DNAH11: variants seen among roughly 807,000 people sequenced by gnomAD.
DNAH11 encodes the protein axonemal beta dynein heavy chain 11.
In DNAH11, 442 loss-of-function variants were observed where a neutral mutation model predicts 526.0. The ratio of observed to expected loss-of-function variants is 0.84; its 90% confidence interval spans 0.78 to 0.91. DNAH11 has a LOEUF of 0.91. Among genes scored for constraint, DNAH11 ranks in the 40% least tolerant of loss-of-function variants. DNAH11 has a pLI of 0.00. For synonymous variants in DNAH11, 2,461 were observed against 1,935.9 expected, an observed-to-expected ratio of 1.27 and a Z score of -7.12; for missense variants, 6,989 against 5,448.7, an observed-to-expected ratio of 1.28 and a Z score of -8.90.
At chr7:21,727,322 G>A (rs1233976351) in intron 45 of DNAH11, among the ~76,000 whole-genome samples, 1 of 152,164 alleles carries the variant, frequency 6.6e-6, no homozygotes, top group African/African-American at 2.4e-5. Flanking sequence ...GAAAGTTTGT[G>A]AGTTTGTAAA....
intron 63 of DNAH11, among the ~76,000 whole-genome samples, chr7:21,814,998 G>A (rs1039569524): frequency 5.3e-5 from 8 of 152,160 alleles, no homozygotes; most frequent in African/African-American, 1.4e-4. Context: ...TAATGTAGGT[G>A]TCTTCATTTA....
intron 56 of DNAH11, among the ~76,000 whole-genome samples, chr7:21,774,631 C>G (rs756760545): frequency 3.9e-5 from 6 of 152,132 alleles, no homozygotes; most frequent in Non-Finnish European, 8.8e-5. Context: ...GTTGTTACTA[C>G]TATAGTTTTA....
chr7:21,634,239 G>T (rs1486137668), intron 25 of DNAH11, among the ~76,000 whole-genome samples: 2 of 152,148 alleles, frequency 1.3e-5, no homozygotes, highest in Non-Finnish European at 2.9e-5. Flanking sequence ...GCCAAGAGCT[G>T]GTAGCTGGGA....
At position 21,546,903 on chromosome 7, in the gene DNAH11, CATAAAG is replaced by C. The variant is rs562298253; in HGVS notation, c.495+1756_495+1761del. On this transcript the variant is annotated intron_variant, in intron 2 of 81. Coordinates refer to ENST00000409508, the MANE Select transcript of DNAH11 (RefSeq NM_001277115.2). ...TTGTATTGAATGGTTTAAGAACTGT[CATAAAG>C]AGAAACCCCACAGTTTGAAAAGAGA... 2.6e-5 allele frequency among the ~76,000 whole-genome samples: 4 copies of C among 152,154 alleles called. No homozygotes were observed. In the South Asian group the frequency reaches 6.2e-4, roughly 24 times the overall value.
chr7:21,798,055 C>G (rs1788796603), intron 61 of DNAH11, among the ~76,000 whole-genome samples: 1 of 152,160 alleles, frequency 6.6e-6, no homozygotes, highest in Non-Finnish European at 1.5e-5. Context: ...AAAAATGAGT[C>G]CACACCACCA....
intron 63 of DNAH11, among the ~76,000 whole-genome samples, chr7:21,809,248 A>G (rs915844720): frequency 2.6e-5 from 4 of 152,078 alleles, no homozygotes; most frequent in African/African-American, 4.8e-5. Context: ...TTTATTTGCT[A>G]TTGAGTTGTT....
At chr7:21,557,207 C>G (rs957974739) in intron 2 of DNAH11, among the ~76,000 whole-genome samples, 4 of 152,162 alleles carry the variant, frequency 2.6e-5, no homozygotes, top group African/African-American at 7.2e-5. Flanking sequence ...CCATTTCTCT[C>G]AGGGGTACTG....
At chr7:21,692,892 T>C (rs73063717) in intron 35 of DNAH11, among the ~76,000 whole-genome samples, 18,802 of 152,212 alleles carry the variant, frequency 0.12, 1,191 homozygotes, top group East Asian at 0.21. Flanking sequence ...TGTGTCCTCC[T>C]AGGTTTAGTT....
intron 54 of DNAH11, among the ~76,000 whole-genome samples, chr7:21,752,784 C>T (rs1006791153): frequency 3.3e-5 from 5 of 152,190 alleles, no homozygotes; most frequent in Non-Finnish European, 5.9e-5. Flanking sequence ...ATGATCTGAG[C>T]TCACTGCAGC....
intron 34 of DNAH11, among the ~76,000 whole-genome samples, chr7:21,688,001 G>A (rs1298675481): frequency 2.6e-5 from 4 of 152,170 alleles, no homozygotes; most frequent in Admixed American, 1.3e-4. Flanking sequence ...GGTCAAGGCT[G>A]CAGTGAGATG....
chr7:21,730,653 A>T (rs1480705984), intron 45 of DNAH11, among the ~76,000 whole-genome samples: 2 of 152,208 alleles, frequency 1.3e-5, no homozygotes, highest in Non-Finnish European at 2.9e-5. Context: ...GAACTCATAG[A>T]AGCGGAGAGT....
At chr7:21,566,821 CTAT>C (rs1345090979) in intron 6 of DNAH11, among the ~76,000 whole-genome samples, 4 of 152,040 alleles carry the variant, frequency 2.6e-5, no homozygotes, top group Non-Finnish European at 5.9e-5. Flanking sequence ...TTTTATCACT[CTAT>C]TATTAAAGCA....
intron 63 of DNAH11, among the ~76,000 whole-genome samples, chr7:21,812,264 C>T (rs898627476): frequency 6.6e-6 from 1 of 152,048 alleles, no homozygotes; most frequent in Admixed American, 6.6e-5. Context: ...GTCCATGGGT[C>T]TTAAAGGTGG....
intron 28 of DNAH11, among the ~76,000 whole-genome samples, chr7:21,648,239 A>G (rs1442499923): frequency 6.6e-6 from 1 of 152,234 alleles, no homozygotes; most frequent in Non-Finnish European, 1.5e-5. Context: ...AGAACCAATA[A>G]AAGTACGTAA....
intron 33 of DNAH11, 38 bp from the exon 34 acceptor site, chr7:21,687,344 C>G (rs1783420859): frequency 1.3e-6 from 2 of 1,583,848 alleles, no homozygotes; most frequent in East Asian, 2.3e-5. Context: ...GTAAAAACCC[C>G]TTCTGTTAAA....
intron 73 of DNAH11, among the ~76,000 whole-genome samples, chr7:21,869,463 A>T (rs886313): frequency 2.0e-5 from 3 of 149,744 alleles, no homozygotes; most frequent in Non-Finnish European, 3.0e-5. Flanking sequence ...GACACATTGA[A>T]GGGTGGGGGG....
At chr7:21,690,700 A>G in intron 34 of DNAH11, 65 bp from the exon 35 acceptor site, 4 of 1,248,172 alleles carry the variant, frequency 3.2e-6, no homozygotes, top group East Asian at 2.4e-5. Context: ...AGTGGTTTGC[A>G]TTTGTCAATG....
chr7:21,698,681 T>A (rs1360040288), intron 36 of DNAH11, among the ~76,000 whole-genome samples: 1 of 152,202 alleles, frequency 6.6e-6, no homozygotes, highest in Admixed American at 6.5e-5. Flanking sequence ...TATTCCATGG[T>A]GTATATATAC....
At chr7:21,783,190 G>T (rs149614284) in intron 57 of DNAH11, among the ~76,000 whole-genome samples, 1 of 152,142 alleles carries the variant, frequency 6.6e-6, no homozygotes, top group African/African-American at 2.4e-5. Context: ...GCTTTTGAGG[G>T]TTGTGGTTTT....
Sources: allele counts gnomAD v4.1 joint callset (sites outside exome capture counted in the v4.1 genomes callset), GRCh38; gene constraint gnomAD v4.1.1; transcripts MANE v1.5; gene names NCBI Gene and HGNC (gene_info 2026-07-23, HGNC 2026-07-21).